ADGRG6: variants seen among roughly 807,000 people sequenced by gnomAD.
The protein encoded by ADGRG6 is G-protein coupled receptor 126.
ADGRG6 carries 84 observed loss-of-function variants against 142.4 expected under a neutral mutation model. The observed-to-expected ratio is 0.59, with a 90% CI of 0.49 to 0.71. The LOEUF is 0.71. ADGRG6 is among the 30% of genes least tolerant of loss of function. ADGRG6 has a pLI of 0.00. For missense variants in ADGRG6, 1,367 were observed against 1,466.6 expected (o/e 0.93, Z 1.11); for synonymous variants, 521 against 520.5 (o/e 1.00, Z -0.01).
At chr6:142,397,943 G>A (rs1319532151) in intron 10 of ADGRG6, among the ~76,000 whole-genome samples, 188 bp downstream of exon 10, 1 of 151,990 alleles carries the variant, frequency 6.6e-6, no homozygotes, top group Non-Finnish European at 1.5e-5. Context: ...TGAATCCAAG[G>A]GAATGAAGGA....
chr6:142,377,097 G>C (rs1562349952), intron 4 of ADGRG6, among the ~76,000 whole-genome samples: 1 of 152,044 alleles, frequency 6.6e-6, no homozygotes, highest in African/African-American at 2.4e-5. Flanking sequence ...AAGAAAACTT[G>C]GCTCTAAATG....
At position 142,370,623 on chromosome 6, in the gene ADGRG6, T is replaced by C. The variant is rs374194522; in HGVS notation, c.899T>C (p.Ile300Thr). The part of the protein sequence containing the change: ...KLLLGSNQNE[I>T]VSLKGDIYNF... ...TTGTTGGGCTCCAATCAAAATGAAA[T>C]TGTCTCTCTAAAAGGGGACATTTAT... Residue 300 changes from isoleucine (I) to threonine (T), a missense_variant, in exon 4 of 25, where the codon ATT becomes ACT. Transcript: ENST00000367609. 73 of 1,613,306 alleles carry C rather than the reference T, an allele frequency of 4.5e-5. No homozygotes were observed. The highest frequency in any genetic ancestry group is 1.5e-5 in the Non-Finnish European group (18 of 1,179,492).
intron 15 of ADGRG6, among the ~76,000 whole-genome samples, chr6:142,406,798 A>G (rs903828342): frequency 6.6e-6 from 1 of 152,212 alleles, no homozygotes; most frequent in African/African-American, 2.4e-5. Flanking sequence ...GTACAACTGC[A>G]GTTTTAAAAA....
intron 10 of ADGRG6, among the ~76,000 whole-genome samples, chr6:142,399,165 A>G (rs1215363191): frequency 6.6e-6 from 1 of 152,202 alleles, no homozygotes. Flanking sequence ...CGCCTTCTCT[A>G]CACTCAGGAG....
chr6:142,398,426 A>G (rs915507856), intron 10 of ADGRG6, among the ~76,000 whole-genome samples: 8 of 152,166 alleles, frequency 5.3e-5, no homozygotes, highest in South Asian at 4.1e-4. Flanking sequence ...CCCTGTCTCA[A>G]AAAAACAAAC....
intron 13 of ADGRG6, 123 bp from the exon 14 acceptor site, chr6:142,403,679 T>G: frequency 1.6e-6 from 1 of 622,364 alleles, no homozygotes. Context: ...GTGTTCATGT[T>G]AAGATCAGAA....
At chr6:142,394,059 A>C in intron 9 of ADGRG6, 101 bp downstream of exon 9, 5 of 751,052 alleles carry the variant, frequency 6.7e-6, no homozygotes, top group Non-Finnish European at 1.1e-5. Context: ...AGAAAAACTT[A>C]ATCACATAGC....
Position 142,400,499 on chromosome 6 carries a change from A to T in ADGRG6, c.1582A>T (p.Met528Leu), listed in dbSNP as rs199876211. 11 of 1,548,398 alleles carry T rather than the reference A, an allele frequency of 7.1e-6. No individual in the cohort carries two copies. The highest frequency in any genetic ancestry group is 9.8e-6 in the Non-Finnish European group (11 of 1,121,074). Residue 528 changes from methionine (M) to leucine (L), a missense_variant, in exon 11 of 25, where the codon ATG becomes TTG. Around this residue, in one of 3 missense-constraint regions of ADGRG6, gnomAD observed 737 missense variants for 746.5 expected, o/e 0.99. Coordinates refer to ENST00000367609, the MANE Select transcript of ADGRG6 (RefSeq NM_198569.3). ...NVRQLGHCLAMEEPKGYYWPS... is the reference protein window; with the variant it reads ...NVRQLGHCLALEEPKGYYWPS... ...TGTTCATATAGGTCATTGTCTTGCC[A>T]TGGAGGAACCCAAAGGCTACTACTG...
At chr6:142,340,408 A>G (rs1053487924) in intron 2 of ADGRG6, among the ~76,000 whole-genome samples, 3 of 152,128 alleles carry the variant, frequency 2.0e-5, no homozygotes, top group Admixed American at 1.3e-4. Flanking sequence ...TTCAATTCCC[A>G]GTCTGTGAAT....
intron 2 of ADGRG6, among the ~76,000 whole-genome samples, chr6:142,314,736 G>C (rs1328939570): frequency 1.3e-5 from 2 of 152,134 alleles, no homozygotes; most frequent in Non-Finnish European, 2.9e-5. Flanking sequence ...TCTGGAGAGT[G>C]GTCATCTGGA....
At chr6:142,363,833 A>G (rs551858125) in intron 2 of ADGRG6, among the ~76,000 whole-genome samples, 1 of 152,174 alleles carries the variant, frequency 6.6e-6, no homozygotes, top group Non-Finnish European at 1.5e-5. Flanking sequence ...TCAAAGCACT[A>G]TATTTCATAC....
chr6:142,434,995 T>G (rs1562393596), intron 22 of ADGRG6, among the ~76,000 whole-genome samples: 1 of 152,100 alleles, frequency 6.6e-6, no homozygotes, highest in Non-Finnish European at 1.5e-5. Flanking sequence ...TTTTGCAAAT[T>G]TATGCAAACA....
chr6:142,302,403 G>C (rs1180025761), intron 1 of ADGRG6, 72 bp downstream of exon 1: 1 of 1,477,572 alleles, frequency 6.8e-7, no homozygotes. Flanking sequence ...CCCCCTCCCC[G>C]ACCACCCCAC....
intron 2 of ADGRG6, among the ~76,000 whole-genome samples, chr6:142,351,278 G>A (rs1780162687): frequency 1.3e-5 from 2 of 152,092 alleles, no homozygotes; most frequent in Admixed American, 1.3e-4. Context: ...ACAAAGTGGG[G>A]GCATCACACT....
intron 2 of ADGRG6, among the ~76,000 whole-genome samples, chr6:142,345,383 C>T (rs1011726824): frequency 6.6e-6 from 1 of 152,034 alleles, no homozygotes; most frequent in African/African-American, 2.4e-5. Flanking sequence ...ACATTGTCTA[C>T]ATGATGAAAA....
intron 5 of ADGRG6, 60 bp from the exon 6 acceptor site, chr6:142,383,700 A>T: frequency 2.5e-6 from 2 of 791,438 alleles, no homozygotes; most frequent in South Asian, 1.5e-5. Flanking sequence ...TAGATTGCTT[A>T]TCCAAATTAA....
chr6:142,363,810 C>G (rs1780825654), intron 2 of ADGRG6, among the ~76,000 whole-genome samples: 1 of 152,030 alleles, frequency 6.6e-6, no homozygotes, highest in African/African-American at 2.4e-5. Context: ...TTGACTACTC[C>G]AAATTGGAAA....
chr6:142,331,763 T>A (rs1212500687), intron 2 of ADGRG6, among the ~76,000 whole-genome samples: 2 of 152,240 alleles, frequency 1.3e-5, no homozygotes, highest in African/African-American at 4.8e-5. Flanking sequence ...TGTGACTAAG[T>A]AGGAAAATAC....
intron 2 of ADGRG6, among the ~76,000 whole-genome samples, chr6:142,348,628 G>GTT (rs755316750): frequency 5.6e-5 from 8 of 143,122 alleles, no homozygotes; most frequent in African/African-American, 1.8e-4. Context: ...GTGAGGGGTG[G>GTT]TTTTTTTTTT....
Sources: allele counts gnomAD v4.1 joint callset (sites outside exome capture counted in the v4.1 genomes callset), GRCh38; gene constraint gnomAD v4.1.1; regional missense constraint gnomAD v4.1.1; transcripts MANE v1.5; gene names NCBI Gene and HGNC (gene_info 2026-07-23, HGNC 2026-07-21).